The following PRKAR1A variants were observed in gnomAD, a reference collection of about 807,000 sequenced individuals.
PRKAR1A encodes protein kinase cAMP-dependent type I regulatory subunit alpha, also known as cAMP-dependent protein kinase type I-alpha regulatory subunit.
A neutral mutation model predicts 52.0 loss-of-function variants in PRKAR1A; 3 were observed. The observed-to-expected ratio is 0.06, with a 90% confidence interval of 0.03 to 0.15. The LOEUF is 0.15. Ranked by LOEUF, PRKAR1A falls within the 10% of genes least tolerant of loss-of-function variation. The pLI is 1.00. For synonymous variants in PRKAR1A, 188 were observed against 168.4 expected (o/e 1.12, Z -0.90); for missense variants, 240 against 477.4 (o/e 0.50, Z 4.63).
rs967277610 is a variant in PRKAR1A, at chr17:68,515,550, A to G, written c.151A>G (p.Arg51Gly). ...ACCTGAGAGACCCATGGCATTCCTC[A>G]GGGAATACTTTGAGAGGTTGGAGAA... ...ARPERPMAFL[R>G]EYFERLEKEE... Residue 51 changes from arginine (R) to glycine (G), a missense_variant, in exon 2 of 11, where the codon AGG becomes GGG. This residue lies in a region of PRKAR1A where 107 missense variants were observed against 114.6 expected (regional missense o/e 0.93). Coordinates refer to ENST00000589228, the MANE Select transcript of PRKAR1A (RefSeq NM_002734.5). 6.2e-6 allele frequency: 10 copies of G among 1,612,748 alleles called. No homozygotes were observed. The highest frequency in any genetic ancestry group is 1.7e-5 in the Admixed American group (1 of 60,024).
the PRKAR1A span, chr17:68,429,014 T>A: frequency 9.3e-7 from 1 of 1,078,776 alleles, no homozygotes; most frequent in Non-Finnish European, 1.4e-6. Flanking sequence ...AAAGCCCCCC[T>A]CACCCTAGCT....
chr17:68,419,487 A>T, the PRKAR1A span, among the ~76,000 whole-genome samples: 2,561 of 152,192 alleles, frequency 0.017, 82 homozygotes, highest in African/African-American at 0.059. Context: ...GAGGCAGGAG[A>T]ATTGCTTGAA....
At chr17:68,486,499 TTCC>T in the PRKAR1A span, among the ~76,000 whole-genome samples, 198 of 44,014 alleles carry the variant, frequency 4.5e-3, no homozygotes, top group African/African-American at 0.011. Context: ...CCTTCCTTCC[TTCC>T]TTCCTTCTTT....
At chr17:68,426,253 G>GGGGGGGGA in the PRKAR1A span, 1 of 841,018 alleles carries the variant, frequency 1.2e-6, no homozygotes, top group Non-Finnish European at 1.9e-6. Context: ...GGGGAGCGGG[G>GGGGGGGGA]GCTCAAATAA....
chr17:68,444,635 A>G, the PRKAR1A span: 1 of 1,510,410 alleles, frequency 6.6e-7, no homozygotes, highest in Non-Finnish European at 9.1e-7. Context: ...TTCCTTACAA[A>G]GACCCTGACC....
At chr17:68,461,690 T>C in the PRKAR1A span, among the ~76,000 whole-genome samples, 1 of 152,024 alleles carries the variant, frequency 6.6e-6, no homozygotes, top group Non-Finnish European at 1.5e-5. The surrounding 1 kb of genome is among the most constrained non-coding windows in gnomAD (Gnocchi z 4.6). Context: ...AATGGACCAG[T>C]GTATGGTAGC....
intron 11 of PRKAR1A, chr17:68,541,261 C>T (rs541268396): frequency 7.5e-6 from 3 of 401,794 alleles, no homozygotes; most frequent in Admixed American, 3.6e-5. Context: ...CACCTGCTTC[C>T]TCGTCCCTCC....
At chr17:68,445,925 G>A in the PRKAR1A span, among the ~76,000 whole-genome samples, 1 of 152,182 alleles carries the variant, frequency 6.6e-6, no homozygotes, top group African/African-American at 2.4e-5. Flanking sequence ...GGAGATTCTG[G>A]TTTGGGAAGT....
chr17:68,428,660 C>T, the PRKAR1A span: 1 of 585,270 alleles, frequency 1.7e-6, no homozygotes, highest in South Asian at 2.0e-5. Context: ...GCTGAGGGCA[C>T]CTGACACAGA....
intron 11 of PRKAR1A, chr17:68,542,670 A>G: frequency 6.4e-7 from 1 of 1,570,310 alleles, no homozygotes; most frequent in Non-Finnish European, 8.8e-7. Context: ...CAGACCCGGA[A>G]TATCACTCGG....
the PRKAR1A span, among the ~76,000 whole-genome samples, chr17:68,464,687 CAA>C: frequency 3.2e-5 from 4 of 124,604 alleles, no homozygotes; most frequent in African/African-American, 6.5e-5. Context: ...GACTCTGTCT[CAA>C]AAAAAAAAAC....
downstream of PRKAR1A, among the ~76,000 whole-genome samples, chr17:68,537,970 C>T (rs2086144266): frequency 6.6e-6 from 1 of 152,156 alleles, no homozygotes; most frequent in Admixed American, 6.5e-5. The surrounding 1 kb of genome is among the most constrained non-coding windows in gnomAD (Gnocchi z 4.2). Flanking sequence ...CCTGCATAGC[C>T]ATTTGTGCTC....
At chr17:68,528,046 G>GTCC in intron 8 of PRKAR1A, 146 bp downstream of exon 8, 2 of 709,142 alleles carry the variant, frequency 2.8e-6, no homozygotes, top group Non-Finnish European at 5.0e-6. Flanking sequence ...TCTGACTGTG[G>GTCC]ACATTCACAG....
chr17:68,427,364 T>G, the PRKAR1A span: 2 of 832,670 alleles, frequency 2.4e-6, no homozygotes, highest in African/African-American at 3.4e-5. Flanking sequence ...GTGGGTTATT[T>G]ATTTATTTTT....
chr17:68,476,426 T>A, the PRKAR1A span, among the ~76,000 whole-genome samples: 1 of 152,202 alleles, frequency 6.6e-6, no homozygotes, highest in Non-Finnish European at 1.5e-5. Flanking sequence ...TAGAAATAGA[T>A]AATATATGCA....
chr17:68,421,029 C>A, the PRKAR1A span: 1 of 155,904 alleles, frequency 6.4e-6, no homozygotes, highest in Non-Finnish European at 1.4e-5. Context: ...AATCCGGATT[C>A]CGTCTCAGTA....
chr17:68,460,160 G>T, the PRKAR1A span, among the ~76,000 whole-genome samples: 1 of 152,010 alleles, frequency 6.6e-6, no homozygotes, highest in Non-Finnish European at 1.5e-5. Flanking sequence ...TTGAATATCC[G>T]GTGTGTATTT....
chr17:68,531,661 T>C lies in PRKAR1A; in HGVS notation c.*1212T>C. Reference sequence around the variant, plus strand: ...AAATTGGTCTGAAAGGCTATCCTGCTGAAAGTCCTGCTTTCCTATCTAGCA... The same window carrying C: ...AAATTGGTCTGAAAGGCTATCCTGCCGAAAGTCCTGCTTTCCTATCTAGCA... On this transcript the variant is annotated 3_prime_UTR_variant, in exon 11 of 11. Coordinates refer to ENST00000589228, the MANE Select transcript of PRKAR1A (RefSeq NM_002734.5). 1 of 1,066,140 alleles carries C rather than the reference T, an allele frequency of 9.4e-7. No homozygotes were observed. Among genetic ancestry groups the C allele is most frequent in the Non-Finnish European group, 1.1e-6 (1 of 879,484 alleles). The allele number at this position is 1,066,140 out of a possible 1,614,324, so 66.0% of individuals were successfully genotyped here. A position where few individuals can be genotyped will look rare whatever the true frequency, so the allele number is the denominator to read the frequency against.
intron 7 of PRKAR1A, 115 bp downstream of exon 7, chr17:68,526,027 C>A: frequency 1.5e-6 from 2 of 1,320,524 alleles, no homozygotes; most frequent in South Asian, 1.3e-5. Flanking sequence ...ATATTTCTTT[C>A]TTTTAATAAG....
Sources: allele counts gnomAD v4.1 joint callset (sites outside exome capture counted in the v4.1 genomes callset), GRCh38; gene constraint gnomAD v4.1.1; regional missense constraint gnomAD v4.1.1; non-coding constraint Gnocchi (gnomAD v3.1); transcripts MANE v1.5; gene names NCBI Gene and HGNC (gene_info 2026-07-23, HGNC 2026-07-21).